The following PCDH19 variants were observed in gnomAD, a reference collection of about 807,000 sequenced individuals.
PCDH19 encodes the protein protocadherin-19.
Under a neutral mutation model 46.2 loss-of-function variants are expected in PCDH19, and 6 were observed. The ratio of observed to expected loss-of-function variants is 0.13; its 90% CI spans 0.07 to 0.26. PCDH19 has a LOEUF of 0.26. Among genes scored for constraint, PCDH19 ranks in the 10% least tolerant of loss-of-function variants. PCDH19 has a pLI of 1.00. For missense variants in PCDH19, 740 were observed against 972.3 expected (o/e 0.76, Z 3.18); for synonymous variants, 481 against 415.7 (o/e 1.16, Z -1.91).
Position 100,408,165 on chromosome X carries a change from C to T in PCDH19, c.433G>A (p.Gly145Ser). The T allele has an allele frequency of 8.2e-7, 1 of 1,212,164 alleles. No homozygotes were observed. The highest frequency in any genetic ancestry group is 1.1e-6 in the Non-Finnish European group (1 of 895,648). The change falls in exon 1 of 6, where the codon GGC (glycine) becomes AGC (serine). Residue 145 changes from glycine (G) to serine (S), a missense_variant. Around this residue, in one of 5 missense-constraint regions of PCDH19, gnomAD observed 9 missense variants for 35.9 expected, o/e 0.25. Transcript: ENST00000373034. ...ELEISEAASP[G>S]TRIPLDSAYD... Reference sequence around the variant, plus strand: ...GCGCTGTCCAGCGGGATGCGCGTGCCAGGGCTGGCTGCCTCCGAGATCTCC... The same window carrying T: ...GCGCTGTCCAGCGGGATGCGCGTGCTAGGGCTGGCTGCCTCCGAGATCTCC...
chrX:100,341,245 T>C lies in PCDH19; in HGVS notation c.2848+658A>G, dbSNP rs538996034. 3.6e-5 allele frequency among the ~76,000 whole-genome samples: 4 copies of C among 111,979 alleles called. No homozygotes were observed. The South Asian group carries it at 1.5e-3, about 42-fold the overall frequency. Reference sequence around the variant, plus strand: ...TCTTCATACATGAGGATGCCACTCCTGACATGTGCTTTGAGGTGCCTTTCA... The same window carrying C: ...TCTTCATACATGAGGATGCCACTCCCGACATGTGCTTTGAGGTGCCTTTCA... On this transcript the variant is annotated intron_variant, in intron 5 of 5. Transcript: ENST00000373034.
Position 100,408,540 on chromosome X carries a change from C to T in PCDH19, c.58G>A (p.Ala20Thr), listed in dbSNP as rs1413763025. ...LLLAILWTQA[A>T]ALINLKYSVE... ...GAGTACTTGAGATTAATGAGGGCGG[C>T]AGCCTGCGTCCACAGTATGGCCAGC... The change falls in exon 1 of 6, where the codon GCC becomes ACC. Residue 20 changes from alanine to threonine, a missense_variant. Coordinates refer to ENST00000373034, the MANE Select transcript of PCDH19 (RefSeq NM_001184880.2). 8.4e-7 allele frequency: 1 copy of T among 1,196,797 alleles called. No individual in the cohort carries two copies. Among genetic ancestry groups the T allele is most frequent in the African/African-American group, 1.7e-5 (1 of 57,670 alleles).
At chrX:100,405,957 T>A (rs757919903) in intron 1 of PCDH19, among the ~76,000 whole-genome samples, 1 of 111,022 alleles carries the variant, frequency 9.0e-6, no homozygotes, top group Non-Finnish European at 1.9e-5. Context: ...CCCTTTCCCA[T>A]CTTACACTCC....
At chrX:100,347,774 A>G (rs1926448750) in intron 4 of PCDH19, among the ~76,000 whole-genome samples, 1 of 111,230 alleles carries the variant, frequency 9.0e-6, no homozygotes, top group Admixed American at 9.6e-5. Flanking sequence ...TAGAAAAATA[A>G]GTTCTCAGCC....
chrX:100,403,257 A>G (rs1333888033), intron 2 of PCDH19, among the ~76,000 whole-genome samples: 2 of 111,428 alleles, frequency 1.8e-5, no homozygotes, highest in Non-Finnish European at 3.8e-5. Context: ...AAGAGGAGAT[A>G]GAGGAAAATA....
At chrX:100,345,716 G>A (rs758004637) in intron 4 of PCDH19, among the ~76,000 whole-genome samples, 6 of 111,816 alleles carry the variant, frequency 5.4e-5, no homozygotes, top group East Asian at 2.8e-4. Flanking sequence ...GTGTGAGCAC[G>A]AGAAGTTGTG....
chrX:100,331,805 G>A (rs942642610), intron 5 of PCDH19, among the ~76,000 whole-genome samples: 1 of 111,582 alleles, frequency 9.0e-6, no homozygotes, highest in Non-Finnish European at 1.9e-5. Context: ...CTTCTGCCAC[G>A]ACTGTAAGTT....
At chrX:100,373,536 C>T (rs1004091997) in intron 3 of PCDH19, among the ~76,000 whole-genome samples, 1 of 112,521 alleles carries the variant, frequency 8.9e-6, no homozygotes, top group African/African-American at 3.2e-5. Flanking sequence ...GGACTTTTAT[C>T]CTTTACTTTT....
At chrX:100,373,963 C>A (rs141840372) in intron 3 of PCDH19, among the ~76,000 whole-genome samples, 3,361 of 111,993 alleles carry the variant, frequency 0.03, 125 homozygotes, top group African/African-American at 0.1. Context: ...CTTGTGCTTG[C>A]TGACTCTGAA....
At chrX:100,327,490 G>A (rs754459622) in intron 5 of PCDH19, among the ~76,000 whole-genome samples, 1 of 112,058 alleles carries the variant, frequency 8.9e-6, no homozygotes, top group Non-Finnish European at 1.9e-5. Context: ...GGAAATAGTT[G>A]TACTGATTCA....
At chrX:100,348,065 C>CAAAAAAAAAA (rs1177957771) in intron 4 of PCDH19, among the ~76,000 whole-genome samples, 5 of 40,609 alleles carry the variant, frequency 1.2e-4, no homozygotes, top group Non-Finnish European at 2.1e-4. Flanking sequence ...GATTCCGTCT[C>CAAAAAAAAAA]AAAAAAAAAA....
chrX:100,404,908 G>A (rs770018296), intron 1 of PCDH19, among the ~76,000 whole-genome samples: 2 of 111,919 alleles, frequency 1.8e-5, no homozygotes, highest in Non-Finnish European at 3.8e-5. Flanking sequence ...AGGTTTGAAA[G>A]CTAAGAGCAA....
chrX:100,346,857 T>G (rs868250594), intron 4 of PCDH19, among the ~76,000 whole-genome samples: 1 of 95,989 alleles, frequency 1.0e-5, no homozygotes. Flanking sequence ...GGAGTGGATA[T>G]CAGACAGCAG....
chrX:100,333,183 GAGAAAGAA>G (rs755008766), intron 5 of PCDH19, among the ~76,000 whole-genome samples: 763 of 43,269 alleles, frequency 0.018, 25 homozygotes, highest in Admixed American at 0.078. Context: ...GGGAGAGAGA[GAGAAAGAA>G]AGAAAGAAAG....
At position 100,397,334 on chromosome X, in the gene PCDH19, T is replaced by C. The variant is rs188538710; in HGVS notation, c.2616+5190A>G. Among the ~76,000 whole-genome samples, 390 of 112,415 alleles carry C rather than the reference T, an allele frequency of 3.5e-3. 2 individuals are homozygous for C. The highest frequency in any genetic ancestry group is 0.012 in the African/African-American group (373 of 30,956). On this transcript the variant is annotated intron_variant, in intron 3 of 5. Coordinates refer to ENST00000373034, the MANE Select transcript of PCDH19 (RefSeq NM_001184880.2). ...TCAATTTGGCTGCCACACACATTCT[T>C]GTTCTGCAAGCTCTTCCACGGCTAC...
chrX:100,347,144 A>T (rs145470348), intron 4 of PCDH19, among the ~76,000 whole-genome samples: 44 of 110,739 alleles, frequency 4.0e-4, no homozygotes, highest in Non-Finnish European at 7.0e-4. Flanking sequence ...CTGCCATATC[A>T]CTTCCTTTTC....
chrX:100,375,539 G>A (rs1430958573), intron 3 of PCDH19, among the ~76,000 whole-genome samples: 2 of 112,226 alleles, frequency 1.8e-5, no homozygotes, highest in East Asian at 5.6e-4. Context: ...ATTGTGAATC[G>A]TGCCGCAATA....
At chrX:100,362,011 C>A (rs753958499) in intron 3 of PCDH19, among the ~76,000 whole-genome samples, 1 of 111,720 alleles carries the variant, frequency 9.0e-6, no homozygotes, top group African/African-American at 3.3e-5. Flanking sequence ...ATCAGACTCC[C>A]AGCAGCAAAA....
chrX:100,316,012 A>C (rs1459988798), intron 5 of PCDH19, among the ~76,000 whole-genome samples: 2 of 111,953 alleles, frequency 1.8e-5, no homozygotes, highest in Non-Finnish European at 3.8e-5. Flanking sequence ...TCTTCAGGCT[A>C]CCACAACTAG....
Sources: allele counts gnomAD v4.1 joint callset (sites outside exome capture counted in the v4.1 genomes callset), GRCh38; gene constraint gnomAD v4.1.1; regional missense constraint gnomAD v4.1.1; transcripts MANE v1.5; gene names NCBI Gene and HGNC (gene_info 2026-07-23, HGNC 2026-07-21).